The following BICC1 variants were observed in gnomAD, a reference collection of about 807,000 sequenced individuals.
BICC1 encodes BicC family RNA binding protein 1.
BICC1 carries 43 observed loss-of-function variants against 111.0 expected under a neutral mutation model. That is an observed-to-expected ratio of 0.39 (90% CI 0.30 to 0.50). BICC1 has a LOEUF of 0.50. Among genes scored for constraint, BICC1 ranks in the 20% least tolerant of loss-of-function variants. The pLI, the probability that BICC1 is intolerant of heterozygous loss-of-function variation, is 0.88. For synonymous variants in BICC1, 467 were observed against 434.4 expected, an observed-to-expected ratio of 1.07 and a Z score of -0.93; for missense variants, 1,091 against 1,203.2, an observed-to-expected ratio of 0.91 and a Z score of 1.38.
chr10:58,661,859 G>A (rs1838855351), intron 2 of BICC1, among the ~76,000 whole-genome samples: 1 of 152,106 alleles, frequency 6.6e-6, no homozygotes, highest in African/African-American at 2.4e-5. Flanking sequence ...ATTTGGTATA[G>A]TTTTAAAAGA....
intron 1 of BICC1, among the ~76,000 whole-genome samples, chr10:58,594,353 T>G (rs1352720838): frequency 1.3e-5 from 2 of 152,024 alleles, no homozygotes; most frequent in Non-Finnish European, 2.9e-5. Flanking sequence ...AGGTCGACAT[T>G]CAAATTCAGG....
chr10:58,571,355 G>A (rs937684777), intron 1 of BICC1, among the ~76,000 whole-genome samples: 7 of 151,978 alleles, frequency 4.6e-5, no homozygotes, highest in Non-Finnish European at 1.0e-4. Context: ...GTAAGTTCAG[G>A]GATACATGTG....
intron 2 of BICC1, among the ~76,000 whole-genome samples, chr10:58,668,250 A>AAAAAAAG (rs1839077304): frequency 6.6e-6 from 1 of 152,122 alleles, no homozygotes; most frequent in African/African-American, 2.4e-5. Flanking sequence ...GCACCAATTT[A>AAAAAAAG]TACAAAAAGT....
At chr10:58,557,194 C>G (rs569315405) in intron 1 of BICC1, among the ~76,000 whole-genome samples, 3 of 151,966 alleles carry the variant, frequency 2.0e-5, no homozygotes, top group Admixed American at 6.6e-5. Context: ...AGATGTTCTA[C>G]TCTTTTCTGG....
chr10:58,587,600 G>A (rs1844471778), intron 1 of BICC1, among the ~76,000 whole-genome samples: 1 of 152,178 alleles, frequency 6.6e-6, no homozygotes, highest in Admixed American at 6.5e-5. Context: ...TGGTAAGGAA[G>A]GAGAAGGTAA....
intron 1 of BICC1, among the ~76,000 whole-genome samples, chr10:58,603,573 TAGTC>T (rs1325895818): frequency 3.3e-5 from 5 of 152,316 alleles, no homozygotes; most frequent in Non-Finnish European, 5.9e-5. Flanking sequence ...TACACTGAGT[TAGTC>T]AGTGTGTCCA....
chr10:58,740,924 A>T (rs989482502), intron 3 of BICC1, among the ~76,000 whole-genome samples: 2 of 152,238 alleles, frequency 1.3e-5, no homozygotes, highest in Non-Finnish European at 2.9e-5. Flanking sequence ...GAAAGCCCAC[A>T]TATTTCATTA....
chr10:58,600,612 A>G (rs527507328), intron 1 of BICC1, among the ~76,000 whole-genome samples: 1 of 152,214 alleles, frequency 6.6e-6, no homozygotes, highest in South Asian at 2.1e-4. Context: ...TGACTCTTGA[A>G]TACTATGAGT....
At chr10:58,578,993 T>C (rs4141671) in intron 1 of BICC1, among the ~76,000 whole-genome samples, 73,909 of 152,044 alleles carry the variant, frequency 0.49, 18,216 homozygotes, top group South Asian at 0.55. Context: ...CCTCATGATA[T>C]CTAGATTTCT....
intron 2 of BICC1, among the ~76,000 whole-genome samples, chr10:58,692,227 G>A (rs537593395): frequency 8.4e-4 from 128 of 152,206 alleles, no homozygotes; most frequent in African/African-American, 2.9e-3. Context: ...TTTTGGAGGA[G>A]TTTTCTTAGT....
intron 3 of BICC1, among the ~76,000 whole-genome samples, chr10:58,723,031 T>A (rs371184931): frequency 6.6e-6 from 1 of 152,338 alleles, no homozygotes; most frequent in Admixed American, 6.5e-5. Flanking sequence ...TTGAAATAAC[T>A]GATTTCAATT....
intron 1 of BICC1, among the ~76,000 whole-genome samples, chr10:58,546,794 T>TA (rs1389235197): frequency 6.6e-6 from 1 of 152,212 alleles, no homozygotes; most frequent in African/African-American, 2.4e-5. Flanking sequence ...AAATCAATAT[T>TA]AAAGTATCAG....
chr10:58,696,366 CTTAATT>C (rs1239072872), intron 2 of BICC1, among the ~76,000 whole-genome samples: 4 of 151,980 alleles, frequency 2.6e-5, no homozygotes, highest in South Asian at 2.1e-4. Context: ...CATCAACAAT[CTTAATT>C]TTAATTGTTT....
chr10:58,693,081 A>G (rs946022405), intron 2 of BICC1, among the ~76,000 whole-genome samples: 3 of 151,982 alleles, frequency 2.0e-5, no homozygotes, highest in East Asian at 1.9e-4. Context: ...TCATTGTTCA[A>G]TTCCCACCTA....
intron 2 of BICC1, among the ~76,000 whole-genome samples, chr10:58,652,359 G>A (rs1838476643): frequency 6.6e-6 from 1 of 152,092 alleles, no homozygotes; most frequent in Admixed American, 6.6e-5. Flanking sequence ...CCTCATTGCT[G>A]TCTCTTGGCA....
chr10:58,742,578 C>T (rs1021703577), intron 3 of BICC1, among the ~76,000 whole-genome samples: 5 of 151,970 alleles, frequency 3.3e-5, no homozygotes, highest in Admixed American at 2.6e-4. Flanking sequence ...GCTGGGATTA[C>T]AGGTGCCCAT....
chr10:58,566,853 C>G (rs1843780589), intron 1 of BICC1, among the ~76,000 whole-genome samples: 1 of 152,036 alleles, frequency 6.6e-6, no homozygotes. Flanking sequence ...TTCTGTTATT[C>G]ACGATTTCAG....
At chr10:58,740,622 T>C (rs561482417) in intron 3 of BICC1, among the ~76,000 whole-genome samples, 1 of 152,296 alleles carries the variant, frequency 6.6e-6, no homozygotes, top group South Asian at 2.1e-4. Flanking sequence ...TCTTTGGAAA[T>C]TAATAATTTC....
At chr10:58,542,525 C>T (rs935966698) in intron 1 of BICC1, among the ~76,000 whole-genome samples, 1 of 152,042 alleles carries the variant, frequency 6.6e-6, no homozygotes, top group Non-Finnish European at 1.5e-5. Context: ...AATAGGACAT[C>T]AGACCTAAAA....
Sources: allele counts gnomAD v4.1 joint callset (sites outside exome capture counted in the v4.1 genomes callset), GRCh38; gene constraint gnomAD v4.1.1; transcripts MANE v1.5; gene names NCBI Gene and HGNC (gene_info 2026-07-23, HGNC 2026-07-21).